LRCH2: variants seen among roughly 807,000 people sequenced by gnomAD.
LRCH2 encodes the protein leucine rich repeats and calponin homology domain containing 2, also known as leucine-rich repeat and calponin homology domain-containing protein 2.
LRCH2 carries 38 observed loss-of-function variants against 68.9 expected under a neutral mutation model. That is an observed-to-expected ratio of 0.55 (90% CI 0.43 to 0.72). The LOEUF (loss-of-function observed/expected upper bound fraction) is 0.72. Ranked by LOEUF, LRCH2 falls within the 30% of genes least tolerant of loss-of-function variation. LRCH2 has a pLI of 0.00. For synonymous variants in LRCH2, 191 were observed against 208.1 expected (o/e 0.92, Z 0.71); for missense variants, 528 against 572.9 (o/e 0.92, Z 0.80).
intron 15 of LRCH2, among the ~76,000 whole-genome samples, chrX:115,129,365 A>G (rs1415637505): frequency 7.2e-5 from 8 of 111,530 alleles, no homozygotes; most frequent in Non-Finnish European, 1.3e-4. Context: ...ATGGGTAAAT[A>G]TTGCCAAGCA....
At chrX:115,192,619 A>G (rs781996386) in intron 1 of LRCH2, 3 of 1,170,404 alleles carry the variant, frequency 2.6e-6, no homozygotes, top group Non-Finnish European at 1.1e-6. Flanking sequence ...CCGCTTCGAG[A>G]GGGGGGAAGG....
At position 115,179,329 on chromosome X, in the gene LRCH2, T is replaced by C. The variant is rs782025260; in HGVS notation, c.864+98A>G. 16 of 722,385 alleles carry C rather than the reference T, an allele frequency of 2.2e-5. No homozygotes were observed. In the African/African-American group the frequency reaches 2.9e-4, roughly 13 times the overall value. The allele number at this position is 722,385 out of a possible 1,213,427, so 59.5% of individuals were successfully genotyped here. On this transcript the variant is annotated intron_variant, in intron 5 of 20. Coordinates refer to ENST00000317135, the MANE Select transcript of LRCH2 (RefSeq NM_020871.4). Reference sequence around the variant, plus strand: ...TAGACAACAGTGCTTGAACAACAAATTGGCTCTTGATTTAGGTGCTTTTTG... The same window carrying C: ...TAGACAACAGTGCTTGAACAACAAACTGGCTCTTGATTTAGGTGCTTTTTG...
intron 3 of LRCH2, among the ~76,000 whole-genome samples, chrX:115,180,193 T>C (rs1383616200): frequency 9.0e-6 from 1 of 111,172 alleles, no homozygotes; most frequent in Non-Finnish European, 1.9e-5. Context: ...AAATGTGCAC[T>C]GGCGAAACAG....
At chrX:115,210,085 G>A (rs2072995984) in intron 1 of LRCH2, among the ~76,000 whole-genome samples, 1 of 111,995 alleles carries the variant, frequency 8.9e-6, no homozygotes. Flanking sequence ...TGATAGAAAA[G>A]AAAATCCCAT....
At chrX:115,169,499 T>C (rs2072589410) in intron 6 of LRCH2, among the ~76,000 whole-genome samples, 1 of 111,783 alleles carries the variant, frequency 8.9e-6, no homozygotes, top group African/African-American at 3.2e-5. Flanking sequence ...TACTTAATTC[T>C]ACTTACAAAA....
Position 115,123,095 on chromosome X carries a change from T to C in LRCH2, c.1947A>G (p.Ile649Met), listed in dbSNP as rs782799378. ...MEHLREEREQ[I>M]RQLRNNLESR... The stretch of plus-strand genomic sequence containing the variant: ...TCTGACTTACGTTGCGAAGTTGTCG[T>C]ATTTGCTCTCGCTCTTCCCGTAAAT... The change falls in exon 18 of 21, where the codon ATA becomes ATG. Residue 649 changes from isoleucine (I) to methionine (M), a missense_variant. Coordinates refer to ENST00000317135, the MANE Select transcript of LRCH2 (RefSeq NM_020871.4). The C allele has an allele frequency of 8.3e-7, 1 of 1,208,639 alleles. No homozygotes were observed. Among genetic ancestry groups the C allele is most frequent in the South Asian group, 1.8e-5 (1 of 56,450 alleles).
At chrX:115,218,434 A>T (rs1371641194) in intron 1 of LRCH2, among the ~76,000 whole-genome samples, 2 of 112,651 alleles carry the variant, frequency 1.8e-5, no homozygotes, top group Non-Finnish European at 3.8e-5. Flanking sequence ...AGGACCAGAG[A>T]CTAGCCCCTT....
At chrX:115,167,983 C>T (rs1271670486) in intron 6 of LRCH2, among the ~76,000 whole-genome samples, 1 of 111,979 alleles carries the variant, frequency 8.9e-6, no homozygotes, top group African/African-American at 3.2e-5. Context: ...ACTAAGTGCT[C>T]TACATACATT....
At chrX:115,186,276 T>A (rs1221042790) in intron 2 of LRCH2, among the ~76,000 whole-genome samples, 1 of 108,585 alleles carries the variant, frequency 9.2e-6, no homozygotes, top group Admixed American at 9.9e-5. Context: ...ACATTTGAAT[T>A]TGGGAGGCGG....
chrX:115,192,117 G>A (rs2147333146), intron 1 of LRCH2: 4 of 1,166,725 alleles, frequency 3.4e-6, no homozygotes, highest in East Asian at 3.3e-5. Flanking sequence ...CCTACAGCAG[G>A]GGCCGCGACA....
At chrX:115,187,897 C>T (rs924772582) in intron 2 of LRCH2, among the ~76,000 whole-genome samples, 1 of 112,740 alleles carries the variant, frequency 8.9e-6, no homozygotes, top group African/African-American at 3.2e-5. Context: ...TAAAGCCTTG[C>T]TACTCAAACT....
At chrX:115,190,310 A>G in intron 1 of LRCH2, 1 of 1,153,909 alleles carries the variant, frequency 8.7e-7, no homozygotes. Flanking sequence ...CGCGACCATG[A>G]GTACACAGAT....
chrX:115,169,047 A>G (rs1171983107), intron 6 of LRCH2, among the ~76,000 whole-genome samples: 1 of 112,115 alleles, frequency 8.9e-6, no homozygotes, highest in Non-Finnish European at 1.9e-5. Context: ...GGCCATGGCA[A>G]TGTCATTCTT....
intron 16 of LRCH2, among the ~76,000 whole-genome samples, chrX:115,125,731 G>T (rs911267934): frequency 2.0e-5 from 2 of 100,720 alleles, no homozygotes; most frequent in Admixed American, 1.1e-4. Flanking sequence ...TGTGAACACA[G>T]ATCATAAAAT....
chrX:115,189,906 G>A, intron 1 of LRCH2: 1 of 1,160,106 alleles, frequency 8.6e-7, no homozygotes, highest in Non-Finnish European at 1.2e-6. Flanking sequence ...CGCCACCGCG[G>A]CACTGGGCCA....
intron 14 of LRCH2, among the ~76,000 whole-genome samples, chrX:115,132,302 C>A (rs111515203): frequency 0.017 from 1,926 of 111,656 alleles, 14 homozygotes; most frequent in South Asian, 0.027. Context: ...CTACATATGG[C>A]TAGCTAGTTT....
intron 20 of LRCH2, among the ~76,000 whole-genome samples, chrX:115,120,765 C>T (rs1302818672): frequency 1.9e-5 from 2 of 104,225 alleles, no homozygotes; most frequent in African/African-American, 7.1e-5. Flanking sequence ...AGACTTGGAA[C>T]CAACCCAAAT....
chrX:115,183,852 A>G (rs150272688), intron 3 of LRCH2, among the ~76,000 whole-genome samples: 133 of 112,508 alleles, frequency 1.2e-3, no homozygotes, highest in African/African-American at 4.2e-3. Flanking sequence ...TCAGAATTCA[A>G]TGTCCTTTAA....
At chrX:115,178,160 G>T (rs1178753223) in intron 5 of LRCH2, among the ~76,000 whole-genome samples, 1 of 110,659 alleles carries the variant, frequency 9.0e-6, no homozygotes, top group African/African-American at 3.3e-5. Flanking sequence ...AAAACCTAAG[G>T]ATCTACCTAC....
Sources: gnomAD v4.1 joint callset for allele counts (sites outside exome capture counted in the v4.1 genomes callset) on GRCh38, gnomAD v4.1.1 for gene constraint, MANE v1.5 for transcripts, NCBI Gene and HGNC (gene_info 2026-07-23, HGNC 2026-07-21) for gene names.